Variants in BMP7 observed in about 807,000 individuals in gnomAD.
BMP7 encodes osteogenic protein 1.
BMP7 carries 12 observed loss-of-function variants against 41.2 expected under a neutral mutation model. The ratio of observed to expected loss-of-function variants is 0.29; its 90% CI spans 0.19 to 0.47. BMP7 has a LOEUF of 0.47. Among genes scored for constraint, BMP7 ranks in the 20% least tolerant of loss-of-function variants. The probability of loss-of-function intolerance (pLI) is 0.99; values close to 1 mark genes in which losing one functional copy is unlikely to be tolerated. For missense variants in BMP7, 467 were observed against 606.0 expected (o/e 0.77, Z 2.41); for synonymous variants, 248 against 250.0 (o/e 0.99, Z 0.07).
At chr20:57,201,535 TG>T (rs1315770064) in intron 3 of BMP7, among the ~76,000 whole-genome samples, 1 of 152,244 alleles carries the variant, frequency 6.6e-6, no homozygotes, top group Non-Finnish European at 1.5e-5. Context: ...CAGTTGTCCC[TG>T]GGAAGTGGAA....
intron 3 of BMP7, among the ~76,000 whole-genome samples, chr20:57,199,189 C>T (rs1200554737): frequency 3.9e-5 from 6 of 152,160 alleles, no homozygotes; most frequent in Admixed American, 3.9e-4. Context: ...CGGATGCACA[C>T]CGCCTCCCAC....
intron 1 of BMP7, among the ~76,000 whole-genome samples, chr20:57,240,884 T>C (rs1449002102): frequency 3.3e-5 from 5 of 152,190 alleles, no homozygotes; most frequent in African/African-American, 9.7e-5. Context: ...TTCTGGGAGA[T>C]ACAATTCAAG....
intron 2 of BMP7, among the ~76,000 whole-genome samples, chr20:57,206,814 G>A (rs1984743723): frequency 6.6e-6 from 1 of 152,176 alleles, no homozygotes; most frequent in East Asian, 1.9e-4. Context: ...TCTATTCTCT[G>A]CTAAACTTCA....
In BMP7 at chr20:57,255,799, CAAAAAAA is replaced by C. The variant is rs3067106; in HGVS notation, c.418+9899_418+9905del. Reference sequence around the variant, plus strand: ...TGGGGGATAGCGAGAGACTCCATCTCAAAAAAAAAAAAAAAAAAAAAAAAAGAAAGAA... The same window carrying C: ...TGGGGGATAGCGAGAGACTCCATCTCAAAAAAAAAAAAAAAAAAGAAAGAA... On this transcript the variant is annotated intron_variant, in intron 1 of 6. Coordinates refer to ENST00000395863, the MANE Select transcript of BMP7 (RefSeq NM_001719.3). 7.1e-3 allele frequency among the ~76,000 whole-genome samples: 343 copies of C among 48,612 alleles called. 2 individuals are homozygous for C. Among genetic ancestry groups the C allele is most frequent in the African/African-American group, 0.027 (297 of 11,104 alleles). The allele number at this position is 48,612 out of a possible 152,430, so 31.9% of individuals were successfully genotyped here.
intron 1 of BMP7, among the ~76,000 whole-genome samples, chr20:57,252,083 T>C (rs1372887464): frequency 6.6e-6 from 1 of 152,214 alleles, no homozygotes; most frequent in African/African-American, 2.4e-5. Context: ...CCATCGTGTC[T>C]GTGGCAACTG....
chr20:57,212,309 C>T (rs1263724546), intron 2 of BMP7, among the ~76,000 whole-genome samples: 1 of 152,206 alleles, frequency 6.6e-6, no homozygotes, highest in Non-Finnish European at 1.5e-5. Context: ...ATGCGGAAGT[C>T]ATGATGAGAA....
intron 2 of BMP7, among the ~76,000 whole-genome samples, chr20:57,210,509 C>G (rs1984853729): frequency 6.6e-6 from 1 of 152,200 alleles, no homozygotes; most frequent in Non-Finnish European, 1.5e-5. Context: ...TCACCCACCA[C>G]CCGCCTCCCA....
intron 1 of BMP7, among the ~76,000 whole-genome samples, chr20:57,245,533 C>T (rs1336931329): frequency 1.3e-5 from 2 of 150,988 alleles, no homozygotes; most frequent in Non-Finnish European, 3.0e-5. Flanking sequence ...TTTTAAATTA[C>T]ATTTTGTATC....
At chr20:57,216,110 A>G (rs1234390567) in intron 2 of BMP7, among the ~76,000 whole-genome samples, 1 of 152,136 alleles carries the variant, frequency 6.6e-6, no homozygotes, top group Non-Finnish European at 1.5e-5. Flanking sequence ...TCTAAGACTT[A>G]TTCTCACGGT....
Position 57,225,470 on chromosome 20 carries a change from G to A in BMP7, c.611+2759C>T, listed in dbSNP as rs563257312. Among the ~76,000 whole-genome samples the A allele has an allele frequency of 8.5e-4, 129 of 152,220 alleles. 2 individuals carry two copies. The highest frequency in any genetic ancestry group is 2.9e-3 in the African/African-American group (120 of 41,538). Reference sequence around the variant, plus strand: ...TCCTGTGTGTAAGACACTGTTGTAAGTATGTCACCCCCTTTCATCCACAGC... The same window carrying A: ...TCCTGTGTGTAAGACACTGTTGTAAATATGTCACCCCCTTTCATCCACAGC... On this transcript the variant is annotated intron_variant, in intron 2 of 6. Coordinates refer to ENST00000395863, the MANE Select transcript of BMP7 (RefSeq NM_001719.3).
chr20:57,250,743 G>A (rs2066109217), intron 1 of BMP7, among the ~76,000 whole-genome samples: 1 of 152,200 alleles, frequency 6.6e-6, no homozygotes, highest in Non-Finnish European at 1.5e-5. Context: ...CAGGTTGCCT[G>A]TGCCCCCAGC....
intron 1 of BMP7, among the ~76,000 whole-genome samples, chr20:57,254,642 T>C (rs1429317222): frequency 8.1e-6 from 1 of 123,952 alleles, no homozygotes; most frequent in Non-Finnish European, 1.6e-5. Flanking sequence ...TCTACATTGA[T>C]ACAGTAAAAA....
At chr20:57,191,659 G>T (rs1274849319) in intron 3 of BMP7, among the ~76,000 whole-genome samples, 1 of 150,836 alleles carries the variant, frequency 6.6e-6, no homozygotes, top group East Asian at 1.9e-4. Context: ...GAACCCGGGA[G>T]ACAGAGGTTG....
At chr20:57,196,604 C>A (rs769174698) in intron 3 of BMP7, among the ~76,000 whole-genome samples, 6 of 152,146 alleles carry the variant, frequency 3.9e-5, no homozygotes, top group African/African-American at 7.2e-5. Flanking sequence ...TGGGGGAAGA[C>A]CATCATTCAT....
chr20:57,234,314 G>C (rs963474337), intron 1 of BMP7, among the ~76,000 whole-genome samples: 3 of 152,220 alleles, frequency 2.0e-5, no homozygotes, highest in Non-Finnish European at 4.4e-5. Context: ...TGATCTCTAA[G>C]GATGTAATCC....
chr20:57,240,104 A>G (rs1251084085), intron 1 of BMP7, among the ~76,000 whole-genome samples: 1 of 152,224 alleles, frequency 6.6e-6, no homozygotes, highest in African/African-American at 2.4e-5. Flanking sequence ...TTTCTATCGC[A>G]TAGCCAGGCT....
Position 57,228,645 on chromosome 20 carries a change from T to C in BMP7, c.419-224A>G, listed in dbSNP as rs1405965073. On this transcript the variant is annotated intron_variant, in intron 1 of 6. Coordinates refer to ENST00000395863, the MANE Select transcript of BMP7 (RefSeq NM_001719.3). This position sits in a 1 kb window ranked among gnomAD's most constrained non-coding sequence, Gnocchi z 4.5. The stretch of plus-strand genomic sequence containing the variant: ...GTCATCCTGAACGACAAGAGCATGA[T>C]TCTGCATCCAACCTGCTGGGAAAAG... Among the ~76,000 whole-genome samples, 1 of 152,160 alleles carries C rather than the reference T, an allele frequency of 6.6e-6. No individual in the cohort carries two copies. The highest frequency in any genetic ancestry group is 1.5e-5 in the Non-Finnish European group (1 of 68,026).
Position 57,265,919 on chromosome 20 carries a change from C to A in BMP7, c.204G>T (p.Pro68=). ...ILSILGLPHR[P]RPHLQGKHNS... Reference sequence around the variant, plus strand: ...TGTGCTTGCCCTGGAGGTGCGGGCGCGGGCGGTGGGGCAAGCCCAAAATGG... The same window carrying A: ...TGTGCTTGCCCTGGAGGTGCGGGCGAGGGCGGTGGGGCAAGCCCAAAATGG... Residue 68 remains proline (P), a synonymous_variant, in exon 1 of 7, where the codon CCG becomes CCT. Coordinates refer to ENST00000395863, the MANE Select transcript of BMP7 (RefSeq NM_001719.3). 1 of 1,568,872 alleles carries A rather than the reference C, an allele frequency of 6.4e-7. No homozygotes were observed. Among genetic ancestry groups the A allele is most frequent in the Non-Finnish European group, 8.6e-7 (1 of 1,156,352 alleles).
Position 57,265,811 on chromosome 20 carries a change from G to C in BMP7, c.312C>G (p.Ser104=). 3 of 1,608,470 alleles carry C rather than the reference G, an allele frequency of 1.9e-6. No homozygotes were observed. The highest frequency in any genetic ancestry group is 2.5e-6 in the Non-Finnish European group (3 of 1,177,886). ...TACTGAAGACGGCCTTGTAGGGGTA[G>C]GAGAAGCCCTGGCCGCCGGGCCCGC... is the stretch of plus-strand genomic sequence containing the variant. ...EGGGPGGQGF[S]YPYKAVFSTQ... is the part of the protein sequence containing the mutation. The change falls in exon 1 of 7, where the codon TCC becomes TCG. Residue 104 remains serine, a synonymous_variant. Coordinates refer to ENST00000395863, the MANE Select transcript of BMP7 (RefSeq NM_001719.3).
Sources: allele counts gnomAD v4.1 joint callset (sites outside exome capture counted in the v4.1 genomes callset), GRCh38; gene constraint gnomAD v4.1.1; non-coding constraint Gnocchi (gnomAD v3.1); transcripts MANE v1.5; gene names NCBI Gene and HGNC (gene_info 2026-07-23, HGNC 2026-07-21).